RBFOX1: variants seen among roughly 807,000 people sequenced by gnomAD.
RBFOX1 encodes RNA binding protein fox-1 homolog 1.
In RBFOX1, 8 loss-of-function variants were observed where a neutral mutation model predicts 57.7. That is an observed-to-expected ratio of 0.14 (90% confidence interval 0.08 to 0.25). The LOEUF is 0.25. Ranked by LOEUF, RBFOX1 falls within the 10% of genes least tolerant of loss-of-function variation. The probability of loss-of-function intolerance (pLI) is 1.00; values close to 1 mark genes in which losing one functional copy is unlikely to be tolerated. For synonymous variants in RBFOX1, 326 were observed against 222.4 expected, an observed-to-expected ratio of 1.47 and a Z score of -4.15; for missense variants, 611 against 548.5, an observed-to-expected ratio of 1.11 and a Z score of -1.14.
chr16:5,774,118 GT>G (rs1183429455), intron 3 of RBFOX1, among the ~76,000 whole-genome samples: 1 of 152,112 alleles, frequency 6.6e-6, no homozygotes, highest in African/African-American at 2.4e-5. Context: ...GCCCTTTCAC[GT>G]GCATCATGAG....
intron 2 of RBFOX1, among the ~76,000 whole-genome samples, chr16:6,464,991 T>A (rs2095010996): frequency 6.6e-6 from 1 of 152,200 alleles, no homozygotes; most frequent in South Asian, 2.1e-4. Context: ...CTGTATCTTC[T>A]TTTGTAACAT....
intron 4 of RBFOX1, among the ~76,000 whole-genome samples, chr16:7,171,008 C>G (rs889063449): frequency 5.9e-5 from 9 of 152,180 alleles, no homozygotes; most frequent in African/African-American, 1.7e-4. Context: ...CTCCAGTCTG[C>G]TCACCCTCTG....
At chr16:5,901,518 C>T (rs747964226) in intron 4 of RBFOX1, among the ~76,000 whole-genome samples, 17 of 152,124 alleles carry the variant, frequency 1.1e-4, no homozygotes, top group Non-Finnish European at 2.5e-4. Flanking sequence ...AATATGGTAG[C>T]CACTCAATGC....
intron 1 of RBFOX1, among the ~76,000 whole-genome samples, chr16:6,303,667 T>C (rs1001415263): frequency 6.6e-6 from 1 of 152,038 alleles, no homozygotes; most frequent in Admixed American, 6.5e-5. Context: ...CATTGAGAAA[T>C]AGATTCAAAG....
At chr16:5,596,527 T>C (rs942437774) in intron 2 of RBFOX1, among the ~76,000 whole-genome samples, 6 of 151,996 alleles carry the variant, frequency 3.9e-5, no homozygotes, top group South Asian at 2.1e-4. Flanking sequence ...CTAGATGGAA[T>C]TGGGCAAGGT....
chr16:7,518,821 G>A (rs562223075), intron 5 of RBFOX1, among the ~76,000 whole-genome samples: 174 of 152,250 alleles, frequency 1.1e-3, no homozygotes, highest in African/African-American at 3.9e-3. Context: ...ACAGGAGTTC[G>A]AGAATAGCCT....
intron 4 of RBFOX1, among the ~76,000 whole-genome samples, chr16:7,329,605 ACG>A (rs2096657739): frequency 6.6e-6 from 1 of 152,230 alleles, no homozygotes; most frequent in African/African-American, 2.4e-5. Flanking sequence ...TTGAACGAGG[ACG>A]AAGTCAATAC....
chr16:5,476,202 C>T (rs1035339952), intron 2 of RBFOX1, among the ~76,000 whole-genome samples: 3 of 152,094 alleles, frequency 2.0e-5, no homozygotes, highest in African/African-American at 7.2e-5. Context: ...TGTTACATAC[C>T]TTGATTTAGC....
intron 4 of RBFOX1, among the ~76,000 whole-genome samples, chr16:7,398,983 G>C (rs1296955145): frequency 6.6e-6 from 1 of 152,158 alleles, no homozygotes; most frequent in East Asian, 1.9e-4. Flanking sequence ...TTGATGTCAA[G>C]GTGTCAACGG....
At chr16:7,062,573 G>A (rs953200913) in intron 4 of RBFOX1, among the ~76,000 whole-genome samples, 41 of 152,142 alleles carry the variant, frequency 2.7e-4, no homozygotes, top group Admixed American at 3.9e-4. Flanking sequence ...CCTCTTTCAC[G>A]TGTGCAGTCT....
intron 4 of RBFOX1, among the ~76,000 whole-genome samples, chr16:7,464,872 T>C (rs369665415): frequency 1.3e-5 from 2 of 151,842 alleles, no homozygotes; most frequent in East Asian, 1.9e-4. Flanking sequence ...AATTTTTTTG[T>C]ATTTTTAGTA....
At chr16:6,805,147 C>T (rs2086438294) in intron 3 of RBFOX1, among the ~76,000 whole-genome samples, 1 of 152,076 alleles carries the variant, frequency 6.6e-6, no homozygotes, top group African/African-American at 2.4e-5. Context: ...AACCTAAAGG[C>T]CCAGCAATAA....
intron 3 of RBFOX1, among the ~76,000 whole-genome samples, chr16:6,962,613 C>T (rs1038678870): frequency 3.3e-5 from 5 of 152,058 alleles, no homozygotes; most frequent in African/African-American, 7.2e-5. Context: ...ACCTATAATC[C>T]CAGGGCTTTG....
chr16:6,438,942 G>C (rs1301992527), intron 2 of RBFOX1, among the ~76,000 whole-genome samples: 1 of 152,176 alleles, frequency 6.6e-6, no homozygotes, highest in East Asian at 1.9e-4. Flanking sequence ...TGATGATTTA[G>C]TGTATGACAT....
intron 2 of RBFOX1, among the ~76,000 whole-genome samples, chr16:6,518,953 C>G (rs1363842767): frequency 6.6e-6 from 1 of 151,974 alleles, no homozygotes; most frequent in Non-Finnish European, 1.5e-5. Flanking sequence ...TTCTTTCTGG[C>G]TTACCACCAC....
chr16:6,091,954 T>C (rs745583535), intron 1 of RBFOX1, among the ~76,000 whole-genome samples: 11 of 152,220 alleles, frequency 7.2e-5, no homozygotes, highest in Non-Finnish European at 1.6e-4. Flanking sequence ...TATCTGTCCA[T>C]CTACCCATGC....
intron 1 of RBFOX1, among the ~76,000 whole-genome samples, chr16:6,215,028 G>C (rs1047589021): frequency 3.1e-5 from 4 of 131,076 alleles, no homozygotes; most frequent in Non-Finnish European, 6.5e-5. Context: ...GAGGTAAAAG[G>C]AAATGGAGAG....
intron 4 of RBFOX1, among the ~76,000 whole-genome samples, chr16:5,911,108 C>T (rs567306073): frequency 6.6e-6 from 1 of 152,312 alleles, no homozygotes; most frequent in African/African-American, 2.4e-5. Context: ...CTAAGGTACT[C>T]TGTCATTGGA....
chr16:5,566,783 A>G (rs1444356565), intron 2 of RBFOX1, among the ~76,000 whole-genome samples: 1 of 152,102 alleles, frequency 6.6e-6, no homozygotes, highest in African/African-American at 2.4e-5. Context: ...TTAGAGATAC[A>G]TTCACAAATG....
Sources: allele counts gnomAD v4.1 joint callset (sites outside exome capture counted in the v4.1 genomes callset), GRCh38; gene constraint gnomAD v4.1.1; transcripts MANE v1.5; gene names NCBI Gene and HGNC (gene_info 2026-07-23, HGNC 2026-07-21).